The following SYNE2 variants were observed in gnomAD, a reference collection of about 807,000 sequenced individuals.
SYNE2 encodes the protein spectrin repeat containing nuclear envelope protein 2, also known as nesprin-2.
In SYNE2, 431 loss-of-function variants were observed where a neutral mutation model predicts 856.3. That is an observed-to-expected ratio of 0.50 (90% confidence interval 0.47 to 0.55). SYNE2 has a LOEUF of 0.55. Ranked by LOEUF, SYNE2 falls within the 20% of genes least tolerant of loss-of-function variation. The probability of loss-of-function intolerance (pLI) is 0.00; values close to 1 mark genes in which losing one functional copy is unlikely to be tolerated. For missense variants in SYNE2, 8,129 were observed against 8,023.2 expected, an observed-to-expected ratio of 1.01 and a Z score of -0.50; for synonymous variants, 2,923 against 2,872.3, an observed-to-expected ratio of 1.02 and a Z score of -0.56.
chr14:63,829,949 A>G lies in SYNE2; in HGVS notation c.-304-22552A>G, dbSNP rs72716388. On this transcript the variant is annotated intron_variant, in intron 1 of 23. Transcript: ENST00000674003. ...CATTATTTTAATAGCCCAAAGGTGT[A>G]AAAAAAGCAAATGCCTATCAACCAA... Among the ~76,000 whole-genome samples the G allele has an allele frequency of 3.1e-3, 479 of 152,260 alleles. 3 individuals are homozygous for G. Among genetic ancestry groups the G allele is most frequent in the East Asian group, 0.017 (87 of 5,190 alleles).
intron 28 of SYNE2, 130 bp from the exon 29 acceptor site, chr14:64,001,804 G>T: frequency 1.0e-6 from 1 of 994,696 alleles, no homozygotes; most frequent in Non-Finnish European, 1.6e-6. Context: ...TAATGTGTAT[G>T]TATATATCAT....
chr14:64,102,408 G>A (rs2097738171), intron 64 of SYNE2, among the ~76,000 whole-genome samples: 2 of 151,388 alleles, frequency 1.3e-5, no homozygotes, highest in African/African-American at 2.4e-5. Context: ...CCTTTAAAAT[G>A]CCCATTTGTA....
chr14:64,051,727 A>G lies in SYNE2; in HGVS notation c.7814A>G (p.His2605Arg), dbSNP rs749116897. 8 of 1,614,250 alleles carry G rather than the reference A, an allele frequency of 5.0e-6. No homozygotes were observed. The highest frequency in any genetic ancestry group is 4.5e-5 in the East Asian group (2 of 44,888). ...GAAAGCCAGATTAAGCAACTTGAACATGGTTGGGAACAAGTGGAACAGCAG... is the reference window on the plus strand; with the variant it reads ...GAAAGCCAGATTAAGCAACTTGAACGTGGTTGGGAACAAGTGGAACAGCAG... ...LLESQIKQLEHGWEQVEQQIQ... is the reference protein window; with the variant it reads ...LLESQIKQLERGWEQVEQQIQ... The change falls in exon 48 of 116, where the codon CAT becomes CGT. Residue 2605 changes from histidine (H) to arginine (R), a missense_variant. By Grantham distance (29) the His-to-Arg change is conservative. Transcript: ENST00000555002.
chr14:64,119,313 T>C (rs2153664102), intron 66 of SYNE2, 114 bp from the exon 67 acceptor site: 1 of 1,370,136 alleles, frequency 7.3e-7, no homozygotes, highest in South Asian at 1.3e-5. Context: ...CCATCCTGTG[T>C]TTCTGGGACT....
chr14:64,075,674 A>T, intron 53 of SYNE2: 1 of 398,958 alleles, frequency 2.5e-6, no homozygotes, highest in South Asian at 2.4e-5. Flanking sequence ...TCCTAAAGGT[A>T]CTTTAGAAGC....
At chr14:63,946,664 CTATAA>C (rs1020607202) in intron 6 of SYNE2, among the ~76,000 whole-genome samples, 3 of 145,702 alleles carry the variant, frequency 2.1e-5, no homozygotes, top group Non-Finnish European at 3.0e-5. Flanking sequence ...AATATATATA[CTATAA>C]TATAACATAT....
chr14:64,225,199 G>C (rs539943139), intron 115 of SYNE2, 120 bp from the exon 116 acceptor site: 1 of 1,568,082 alleles, frequency 6.4e-7, no homozygotes, highest in East Asian at 2.3e-5. Flanking sequence ...AACCCCAACT[G>C]TTGGCCCTAT....
chr14:64,150,193 G>T (rs920213586), intron 84 of SYNE2, among the ~76,000 whole-genome samples: 1 of 144,338 alleles, frequency 6.9e-6, no homozygotes, highest in African/African-American at 2.6e-5. Context: ...CTACTTGGGA[G>T]ACTGAGGCAG....
chr14:64,150,007 C>CTTTTTTTTTTTT (rs755126549), intron 84 of SYNE2, among the ~76,000 whole-genome samples: 3 of 94,416 alleles, frequency 3.2e-5, no homozygotes, highest in African/African-American at 8.3e-5. Flanking sequence ...TTTTTCTTTT[C>CTTTTTTTTTTTT]TTTTTTTTTT....
rs752023418 is a variant in SYNE2, at chr14:63,817,226, G to A, written c.-304-35275G>A. 1.6e-4 allele frequency among the ~76,000 whole-genome samples: 25 copies of A among 152,106 alleles called. 1 individual carries two copies. The highest frequency in any genetic ancestry group is 1.0e-4 in the Non-Finnish European group (7 of 68,032). ...TGTAATCCCAGCACTTTAGGAGTCC[G>A]AGGCAGGTGGATTGCTTGAGCTCAG... On this transcript the variant is annotated intron_variant, in intron 1 of 23. Transcript: ENST00000674003.
intron 94 of SYNE2, 82 bp from the exon 95 acceptor site, chr14:64,174,862 G>A (rs2098426534): frequency 1.5e-6 from 2 of 1,332,918 alleles, no homozygotes. Flanking sequence ...GAAAAGCTCT[G>A]AAGGAAATAT....
Position 63,980,679 on chromosome 14 carries a change from T to C in SYNE2, c.1595T>C (p.Leu532Pro). ...WHKFIEEKEFLARLDTSFQKC... is the reference protein window; with the variant it reads ...WHKFIEEKEFPARLDTSFQKC... Reference sequence around the variant, plus strand: ...AAATTTATTGAAGAAAAAGAATTCCTAGCTCGACTTGATACTTCTTTTCAA... The same window carrying C: ...AAATTTATTGAAGAAAAAGAATTCCCAGCTCGACTTGATACTTCTTTTCAA... The change falls in exon 15 of 116, where the codon CTA becomes CCA. Residue 532 changes from leucine (L) to proline (P), a missense_variant. Leu to Pro is a moderately conservative substitution (Grantham distance 98). Coordinates refer to ENST00000555002, the MANE Select transcript of SYNE2 (RefSeq NM_182914.3). 6.2e-7 allele frequency: 1 copy of C among 1,605,720 alleles called. No individual in the cohort carries two copies.
chr14:64,130,539 G>A (rs903874549), intron 76 of SYNE2, among the ~76,000 whole-genome samples: 1 of 152,092 alleles, frequency 6.6e-6, no homozygotes, highest in Non-Finnish European at 1.5e-5. Context: ...TTAAAATGAG[G>A]ATACATTCTA....
intron 6 of SYNE2, among the ~76,000 whole-genome samples, chr14:63,948,722 G>GTGTATA (rs1555393492): frequency 0.058 from 5,828 of 101,316 alleles, 552 homozygotes; most frequent in South Asian, 0.11. Context: ...ATATATGTGT[G>GTGTATA]TATATATATG....
At chr14:63,924,704 C>G (rs1424620577) in intron 2 of SYNE2, among the ~76,000 whole-genome samples, 1 of 151,932 alleles carries the variant, frequency 6.6e-6, no homozygotes, top group African/African-American at 2.4e-5. Context: ...GTATATTTAG[C>G]TTGTATCTTG....
rs768233928 is a variant in SYNE2, at chr14:64,025,012, C to G, written c.5941C>G (p.Gln1981Glu). The G allele has an allele frequency of 6.2e-7, 1 of 1,613,942 alleles. No homozygotes were observed. Among genetic ancestry groups the G allele is most frequent in the Middle Eastern group, 1.7e-4 (1 of 6,058 alleles). Residue 1981 changes from glutamine to glutamate, a missense_variant, in exon 40 of 116, where the codon CAA becomes GAA. By Grantham distance (29) the Gln-to-Glu change is conservative. This residue lies in a region of SYNE2 where 2,422 missense variants were observed against 2,357.4 expected (regional missense o/e 1.03). Coordinates refer to ENST00000555002, the MANE Select transcript of SYNE2 (RefSeq NM_182914.3). ...AGGGGAGAAAACTGAGCTGTTCTGC[C>G]AAGCTTTAGCTAGAAAGAGGTATAG... is the stretch of plus-strand genomic sequence containing the variant. ...EPGEKTELFCQALARKREQFE... is the reference protein window; with the variant it reads ...EPGEKTELFCEALARKREQFE...
intron 35 of SYNE2, 135 bp downstream of exon 35, chr14:64,020,228 C>G: frequency 1.5e-6 from 1 of 671,232 alleles, no homozygotes; most frequent in Non-Finnish European, 2.6e-6. Context: ...TAAAGATTCT[C>G]TATAACAGGG....
intron 1 of SYNE2, among the ~76,000 whole-genome samples, chr14:63,788,601 G>A (rs1032706966): frequency 6.6e-6 from 1 of 152,152 alleles, no homozygotes; most frequent in African/African-American, 2.4e-5. Flanking sequence ...GGCACGGTTT[G>A]GACGGCTGCA....
At chr14:63,930,254 C>T (rs1452516790) in intron 2 of SYNE2, among the ~76,000 whole-genome samples, 1 of 150,754 alleles carries the variant, frequency 6.6e-6, no homozygotes, top group East Asian at 2.0e-4. Flanking sequence ...CCACTGCATT[C>T]CAGCCTGGGC....
Sources: allele counts gnomAD v4.1 joint callset (sites outside exome capture counted in the v4.1 genomes callset), GRCh38; gene constraint gnomAD v4.1.1; regional missense constraint gnomAD v4.1.1; transcripts MANE v1.5; gene names NCBI Gene and HGNC (gene_info 2026-07-23, HGNC 2026-07-21).